ATXN7: variants seen among roughly 807,000 people sequenced by gnomAD.
ATXN7 encodes the protein ataxin-7.
A neutral mutation model predicts 70.5 loss-of-function variants in ATXN7; 12 were observed. The ratio of observed to expected loss-of-function variants is 0.17; its 90% CI spans 0.11 to 0.28. The LOEUF is 0.28. ATXN7 is among the 10% of genes least tolerant of loss of function. ATXN7 has a pLI of 1.00. For missense variants in ATXN7, 1,256 were observed against 1,131.7 expected (o/e 1.11, Z -1.58); for synonymous variants, 498 against 448.7 (o/e 1.11, Z -1.39).
At chr3:63,916,961 T>C (rs907539485) in intron 4 of ATXN7, among the ~76,000 whole-genome samples, 16 of 152,302 alleles carry the variant, frequency 1.1e-4, no homozygotes, top group African/African-American at 3.8e-4. Context: ...TCGCCCAGGC[T>C]GGAGTGCAAT....
chr3:63,957,065 T>C (rs887588752), intron 5 of ATXN7, among the ~76,000 whole-genome samples: 9 of 152,188 alleles, frequency 5.9e-5, no homozygotes, highest in African/African-American at 2.2e-4. Flanking sequence ...TAGCACAGGG[T>C]TAGCAGATGA....
chr3:63,865,894 C>CAAAAAAAAAAAAAAAAA (rs34205947), intron 1 of ATXN7, among the ~76,000 whole-genome samples: 2 of 16,558 alleles, frequency 1.2e-4, no homozygotes, highest in African/African-American at 1.7e-4. Flanking sequence ...GACTCCATCT[C>CAAAAAAAAAAAAAAAAA]AAAAAAAAAA....
intron 2 of ATXN7, among the ~76,000 whole-genome samples, chr3:63,903,105 C>G (rs1391723532): frequency 6.6e-6 from 1 of 151,814 alleles, no homozygotes; most frequent in African/African-American, 2.4e-5. Context: ...CAAAAATAGG[C>G]ACATGTGGGC....
chr3:63,996,230 C>G lies in ATXN7; in HGVS notation c.2408C>G (p.Ser803Cys). The change falls in exon 12 of 13, where the codon TCT (serine) becomes TGT (cysteine). Residue 803 changes from serine (S) to cysteine (C), a missense_variant. Ser to Cys is a moderately radical substitution (Grantham distance 112, BLOSUM62 -1). Coordinates refer to ENST00000674280, the MANE Select transcript of ATXN7 (RefSeq NM_001377405.1). ...GTGAACAGCAGTGATTCTACTCTTT[C>G]TCTTGGGCCATTCATTCACCAGTCC... ...VMVNSSDSTL[S>C]LGPFIHQSNE... The G allele has an allele frequency of 1.9e-6, 3 of 1,614,178 alleles. No individual in the cohort carries two copies. The South Asian group carries it at 3.3e-5, about 18-fold the overall frequency.
chr3:63,865,411 C>T (rs944139147), intron 1 of ATXN7: 2 of 152,150 alleles, frequency 1.3e-5, no homozygotes, highest in African/African-American at 4.8e-5. Context: ...TGAAAAAATA[C>T]TGACCTAAAC....
At chr3:63,936,492 A>T (rs1391412540) in intron 4 of ATXN7, among the ~76,000 whole-genome samples, 2 of 152,224 alleles carry the variant, frequency 1.3e-5, no homozygotes, top group African/African-American at 4.8e-5. Context: ...CATTAGATAT[A>T]CAGTAAGTTA....
chr3:63,907,980 T>C (rs963799003), intron 2 of ATXN7, among the ~76,000 whole-genome samples: 9 of 152,212 alleles, frequency 5.9e-5, no homozygotes, highest in Non-Finnish European at 1.2e-4. Flanking sequence ...CTGGTGAATG[T>C]TTCTTTGGGA....
At chr3:63,924,787 A>T (rs1368301650) in intron 4 of ATXN7, among the ~76,000 whole-genome samples, 18 of 152,184 alleles carry the variant, frequency 1.2e-4, no homozygotes, top group Admixed American at 1.2e-3. Context: ...AAGTATGGAC[A>T]GCTTTTTAAA....
chr3:63,981,822 T>A (rs1009412479), intron 6 of ATXN7, among the ~76,000 whole-genome samples: 4 of 152,366 alleles, frequency 2.6e-5, no homozygotes, highest in Non-Finnish European at 4.4e-5. Flanking sequence ...CAAAAGATAT[T>A]CTCCAAGGGT....
rs186381484 is a variant in ATXN7, at chr3:63,922,998, G to C, written c.394+9773G>C. ...CAAGGACACCTATGTAACTACTTTG[G>C]GCAGTTACTGGTAAGCAAAACTGAA... On this transcript the variant is annotated intron_variant, in intron 4 of 12. Coordinates refer to ENST00000674280, the MANE Select transcript of ATXN7 (RefSeq NM_001377405.1). 2.6e-3 allele frequency among the ~76,000 whole-genome samples: 398 copies of C among 152,224 alleles called. 1 individual carries two copies. Among genetic ancestry groups the C allele is most frequent in the Non-Finnish European group, 4.2e-3 (284 of 68,012 alleles).
chr3:63,917,212 A>G (rs1014568377), intron 4 of ATXN7, among the ~76,000 whole-genome samples: 3 of 152,076 alleles, frequency 2.0e-5, no homozygotes, highest in South Asian at 4.1e-4. Context: ...GAGCCACTGC[A>G]CCTGGTTGAC....
At chr3:63,894,526 G>A (rs575735807) in intron 1 of ATXN7, among the ~76,000 whole-genome samples, 10 of 152,186 alleles carry the variant, frequency 6.6e-5, no homozygotes, top group South Asian at 2.1e-4. Context: ...TTCTCAATGT[G>A]TTTTGTTTTG....
intron 11 of ATXN7, among the ~76,000 whole-genome samples, chr3:63,994,237 GTTTTGTTTTGT>G (rs2075720137): frequency 6.6e-6 from 1 of 152,016 alleles, no homozygotes; most frequent in Admixed American, 6.6e-5. Context: ...TTTTTTGTTT[GTTTTGTTTTGT>G]TTTTGAAACA....
At chr3:63,990,130 T>A in intron 9 of ATXN7, 46 bp from the exon 10 acceptor site, 2 of 1,586,254 alleles carry the variant, frequency 1.3e-6, no homozygotes, top group Non-Finnish European at 1.7e-6. Context: ...GGTGGCTGAT[T>A]CCCAGGTGTG....
intron 1 of ATXN7, among the ~76,000 whole-genome samples, chr3:63,879,150 G>T (rs1224773935): frequency 6.6e-6 from 1 of 152,036 alleles, no homozygotes; most frequent in Non-Finnish European, 1.5e-5. Context: ...AAACCTTAAA[G>T]CATGTGAACT....
intron 8 of ATXN7, among the ~76,000 whole-genome samples, chr3:63,986,589 G>C (rs541071530): frequency 5.9e-5 from 9 of 152,270 alleles, no homozygotes; most frequent in African/African-American, 2.2e-4. Context: ...AAGCATTTGA[G>C]CGTCAGGTAC....
At chr3:63,900,772 C>CTAA (rs1487710864) in intron 2 of ATXN7, 1 of 152,264 alleles carries the variant, frequency 6.6e-6, no homozygotes, top group African/African-American at 2.4e-5. Flanking sequence ...CAGTGATGAC[C>CTAA]TAATGCTTTT....
intron 4 of ATXN7, among the ~76,000 whole-genome samples, chr3:63,937,281 G>A (rs1432678165): frequency 1.3e-5 from 2 of 152,086 alleles, no homozygotes; most frequent in Non-Finnish European, 2.9e-5. Context: ...AATAGTTTCT[G>A]TTGGTTTCCA....
At chr3:63,916,666 G>A (rs1224682330) in intron 4 of ATXN7, among the ~76,000 whole-genome samples, 2 of 152,206 alleles carry the variant, frequency 1.3e-5, no homozygotes, top group Non-Finnish European at 2.9e-5. Flanking sequence ...CAGAAGGTTA[G>A]AACTCTTGAT....
Sources: allele counts gnomAD v4.1 joint callset (sites outside exome capture counted in the v4.1 genomes callset), GRCh38; gene constraint gnomAD v4.1.1; transcripts MANE v1.5; gene names NCBI Gene and HGNC (gene_info 2026-07-23, HGNC 2026-07-21).